Variants in VWA8 observed in about 807,000 individuals in gnomAD.
VWA8 encodes von Willebrand factor A domain-containing protein 8.
A neutral mutation model predicts 241.5 loss-of-function variants in VWA8; 221 were observed. The observed-to-expected ratio is 0.91, with a 90% CI of 0.82 to 1.02. The LOEUF is 1.02. VWA8 is among the 50% of genes least tolerant of loss of function. VWA8 has a pLI of 0.00. For synonymous variants in VWA8, 852 were observed against 827.1 expected (o/e 1.03, Z -0.52); for missense variants, 2,322 against 2,328.7 (o/e 1.00, Z 0.06).
intron 40 of VWA8, among the ~76,000 whole-genome samples, chr13:41,600,336 C>T (rs2044513205): frequency 1.3e-5 from 2 of 152,222 alleles, no homozygotes; most frequent in East Asian, 3.9e-4. Context: ...CTAGGCTGCA[C>T]CTGGATGAAG....
intron 1 of VWA8, among the ~76,000 whole-genome samples, chr13:41,955,515 A>AAC (rs568733111): frequency 7.6e-4 from 116 of 152,330 alleles, no homozygotes; most frequent in South Asian, 6.0e-3. Context: ...CTTTGACCAG[A>AAC]ACAGCAAGAA....
Position 41,699,283 on chromosome 13 carries a change from A to G in VWA8, c.3365-13T>C, listed in dbSNP as rs1414885241. The G allele has an allele frequency of 6.2e-7, 1 of 1,613,628 alleles. No individual in the cohort carries two copies. The highest frequency in any genetic ancestry group is 8.5e-7 in the Non-Finnish European group (1 of 1,179,660). On this transcript the variant is annotated splice_polypyrimidine_tract_variant and intron_variant, in intron 28 of 44. Coordinates refer to ENST00000379310, the MANE Select transcript of VWA8 (RefSeq NM_015058.2). The stretch of plus-strand genomic sequence containing the variant: ...TTTTGCTCATTTTCTGAAATGACAA[A>G]AAGGTGTTAATTTTGTGGCTGGCAA...
chr13:41,841,859 A>ATATATATATATAT (rs1566478204), intron 12 of VWA8, among the ~76,000 whole-genome samples: 1 of 74,464 alleles, frequency 1.3e-5, no homozygotes, highest in Non-Finnish European at 2.5e-5. Flanking sequence ...ATATATATAT[A>ATATATATATATAT]AAAACAGTAG....
intron 40 of VWA8, among the ~76,000 whole-genome samples, chr13:41,600,232 G>A (rs1263638123): frequency 6.6e-6 from 1 of 152,096 alleles, no homozygotes; most frequent in Non-Finnish European, 1.5e-5. Context: ...AATATGTAAA[G>A]GTTTTGACTA....
chr13:41,622,085 T>G (rs1394144332), intron 37 of VWA8, among the ~76,000 whole-genome samples: 1 of 152,224 alleles, frequency 6.6e-6, no homozygotes, highest in African/African-American at 2.4e-5. Context: ...TTTTGTGTCA[T>G]TTTATGAATG....
chr13:41,833,519 G>A lies in VWA8; in HGVS notation c.1438C>T (p.Arg480Cys), dbSNP rs61752292. 2.2e-5 allele frequency: 36 copies of A among 1,609,014 alleles called. No homozygotes were observed. The highest frequency in any genetic ancestry group is 3.3e-5 in the South Asian group (3 of 90,260). The change falls in exon 13 of 45, where the codon CGT becomes TGT. Residue 480 changes from arginine (R) to cysteine (C), a missense_variant. Arg to Cys is a radical substitution (Grantham distance 180, BLOSUM62 -3). Coordinates refer to ENST00000379310, the MANE Select transcript of VWA8 (RefSeq NM_015058.2). ...GTGTATCTCTGCTGTAGCAGATCAC[G>A]CGCTGTCATATCCTAAAACAAATCC... ...PIMLYQDMTA[R>C]DLLQQRYTLP... is the part of the protein sequence containing the mutation.
chr13:41,614,208 C>A (rs1211189446), intron 38 of VWA8, among the ~76,000 whole-genome samples: 1 of 152,226 alleles, frequency 6.6e-6, no homozygotes, highest in Non-Finnish European at 1.5e-5. Context: ...AGCAGAGAAA[C>A]CCATTTCCTC....
At chr13:41,620,621 C>G (rs1281083812) in intron 37 of VWA8, among the ~76,000 whole-genome samples, 1 of 152,108 alleles carries the variant, frequency 6.6e-6, no homozygotes, top group African/African-American at 2.4e-5. Flanking sequence ...CTATAAATTT[C>G]CCTCTACACA....
intron 2 of VWA8, among the ~76,000 whole-genome samples, chr13:41,946,213 TAA>T (rs899335804): frequency 2.8e-5 from 4 of 143,254 alleles, no homozygotes; most frequent in Non-Finnish European, 4.6e-5. Flanking sequence ...TTTCCAAATT[TAA>T]AAAAAAAAAA....
intron 41 of VWA8, among the ~76,000 whole-genome samples, chr13:41,588,812 T>TATATATTATTTTATA (rs2044436447): frequency 6.6e-6 from 1 of 151,980 alleles, no homozygotes; most frequent in Admixed American, 6.5e-5. Context: ...ATGAGCAGAG[T>TATATATTATTTTATA]TAGTAATTTC....
chr13:41,880,396 A>T (rs1182869104), intron 9 of VWA8, among the ~76,000 whole-genome samples: 1 of 152,120 alleles, frequency 6.6e-6, no homozygotes, highest in Non-Finnish European at 1.5e-5. Flanking sequence ...GTATTTCCTG[A>T]AAACAAGAAC....
At chr13:41,878,850 C>T (rs9566872) in intron 9 of VWA8, among the ~76,000 whole-genome samples, 13,351 of 152,174 alleles carry the variant, frequency 0.088, 710 homozygotes, top group African/African-American at 0.15. Context: ...ATTTGTATGA[C>T]TAGTTTTGAA....
Position 41,830,611 on chromosome 13 carries a change from C to T in VWA8, c.1618G>A (p.Asp540Asn). Reference protein sequence around the residue: ...LIHDRELSLYDGSRLLREDRY... With the variant: ...LIHDRELSLYNGSRLLREDRY... ...TCTTCTCTCAGCAGCCTAGAACCAT[C>T]ATAGAGGCTTAGCTCTCGATCATGG... The change falls in exon 14 of 45, where the codon GAT becomes AAT. Residue 540 changes from aspartate (D) to asparagine (N), a missense_variant. Asp to Asn is a conservative substitution (Grantham distance 23). Coordinates refer to ENST00000379310, the MANE Select transcript of VWA8 (RefSeq NM_015058.2). 1 of 1,613,744 alleles carries T rather than the reference C, an allele frequency of 6.2e-7. No homozygotes were observed. Among genetic ancestry groups the T allele is most frequent in the Non-Finnish European group, 8.5e-7 (1 of 1,179,792 alleles).
intron 2 of VWA8, chr13:41,927,110 GT>G: frequency 2.6e-6 from 1 of 386,380 alleles, no homozygotes. Context: ...GCAGCAGCGG[GT>G]TTTTGAACAA....
intron 18 of VWA8, 57 bp downstream of exon 18, chr13:41,787,380 T>C (rs1348692769): frequency 9.6e-6 from 13 of 1,360,660 alleles, no homozygotes; most frequent in Non-Finnish European, 1.4e-5. Context: ...ATAAACAGCA[T>C]CAAATGTTTG....
chr13:41,931,279 TAAAAAAAA>T (rs67470859), intron 2 of VWA8, among the ~76,000 whole-genome samples: 1 of 90,328 alleles, frequency 1.1e-5, no homozygotes, highest in Admixed American at 1.4e-4. Context: ...GACCCAGGGT[TAAAAAAAA>T]AAAAAAAAAA....
chr13:41,753,004 A>G (rs981035102), intron 21 of VWA8, among the ~76,000 whole-genome samples: 1 of 152,204 alleles, frequency 6.6e-6, no homozygotes, highest in Non-Finnish European at 1.5e-5. Context: ...GGTTTTATGT[A>G]GAAGTAACAG....
At chr13:41,688,421 A>G (rs1211482118) in intron 34 of VWA8, among the ~76,000 whole-genome samples, 2 of 152,170 alleles carry the variant, frequency 1.3e-5, no homozygotes, top group Non-Finnish European at 2.9e-5. Context: ...AGGTTGTTAG[A>G]TGGCAACTTG....
Position 41,590,597 on chromosome 13 carries a change from C to A in VWA8, c.5112+43G>T. ...CGAAAGCAAGTTTCTGTAAAGAGGG[C>A]TAGACTATGCAGAGCTGAGGCTAGC... is the stretch of plus-strand genomic sequence containing the variant. On this transcript the variant is annotated intron_variant, in intron 41 of 44. Coordinates refer to ENST00000379310, the MANE Select transcript of VWA8 (RefSeq NM_015058.2). The A allele has an allele frequency of 2.5e-6, 4 of 1,599,856 alleles. No homozygotes were observed. The African/African-American group carries it at 4.0e-5, about 16-fold the overall frequency.
Sources: allele counts gnomAD v4.1 joint callset (sites outside exome capture counted in the v4.1 genomes callset), GRCh38; gene constraint gnomAD v4.1.1; transcripts MANE v1.5; gene names NCBI Gene and HGNC (gene_info 2026-07-23, HGNC 2026-07-21).